ESPNL: variants seen among roughly 807,000 people sequenced by gnomAD.
The protein encoded by ESPNL is espin-like protein.
ESPNL carries 49 observed loss-of-function variants against 46.8 expected under a neutral mutation model. The observed-to-expected ratio is 1.05, with a 90% CI of 0.83 to 1.33. The LOEUF (loss-of-function observed/expected upper bound fraction) is 1.33. Among genes scored for constraint, ESPNL ranks in the 40% most tolerant of loss-of-function variants. The pLI is 0.00. For synonymous variants in ESPNL, 664 were observed against 662.1 expected, an observed-to-expected ratio of 1.00 and a Z score of -0.04; for missense variants, 1,540 against 1,436.6, an observed-to-expected ratio of 1.07 and a Z score of -1.16.
At chr2:238,129,056 A>G in intron 8 of ESPNL, 152 bp downstream of exon 8, 1 of 1,431,726 alleles carries the variant, frequency 7.0e-7, no homozygotes, top group Non-Finnish European at 9.1e-7. Flanking sequence ...CCGCCGGAGG[A>G]TGAAGTGAAC....
chr2:238,132,763 G>A lies in ESPNL; in HGVS notation c.*1031G>A, dbSNP rs1333873727. 6.6e-6 allele frequency: 1 copy of A among 152,420 alleles called. No individual in the cohort carries two copies. Among genetic ancestry groups the A allele is most frequent in the Non-Finnish European group, 1.5e-5 (1 of 68,190 alleles). 9.4% of individuals were successfully genotyped at this position (152,420 alleles called of 1,614,324 possible). A position where few individuals can be genotyped will look rare whatever the true frequency, so the allele number is the denominator to read the frequency against. Reference sequence around the variant, plus strand: ...CCCCAGCTTCTGATGGCAGCCAGGAGAATGGGTCATCACCCAGGCTCTGGG... The same window carrying A: ...CCCCAGCTTCTGATGGCAGCCAGGAAAATGGGTCATCACCCAGGCTCTGGG... On this transcript the variant is annotated 3_prime_UTR_variant, in exon 9 of 9. Transcript: ENST00000343063.
chr2:238,105,829 A>G (rs1454286849), intron 3 of ESPNL, among the ~76,000 whole-genome samples: 2 of 152,124 alleles, frequency 1.3e-5, no homozygotes, highest in Non-Finnish European at 2.9e-5. Context: ...TGGAGAAGTG[A>G]GAGCTGCCTG....
At chr2:238,127,344 C>T in intron 6 of ESPNL, 1 of 1,255,496 alleles carries the variant, frequency 8.0e-7, no homozygotes, top group Non-Finnish European at 1.0e-6. Flanking sequence ...GCCTCAAGCC[C>T]TTCCCAGCTC....
chr2:238,127,558 G>A, intron 6 of ESPNL, 64 bp from the exon 7 acceptor site: 1 of 1,501,936 alleles, frequency 6.7e-7, no homozygotes, highest in Non-Finnish European at 8.9e-7. Context: ...CCGGATCCCC[G>A]AGGCTCTGGG....
chr2:238,116,289 T>C (rs1414779446), intron 4 of ESPNL, among the ~76,000 whole-genome samples: 3 of 152,030 alleles, frequency 2.0e-5, no homozygotes, highest in Non-Finnish European at 4.4e-5. Flanking sequence ...TTCCTCCCCA[T>C]TCCCATCACA....
chr2:238,128,152 C>A (rs938683224), intron 7 of ESPNL, among the ~76,000 whole-genome samples: 6 of 152,254 alleles, frequency 3.9e-5, no homozygotes, highest in African/African-American at 1.2e-4. Flanking sequence ...CTCCCCCTTA[C>A]TCTCCCTTTC....
chr2:238,131,869 C>G lies in ESPNL; in HGVS notation c.*137C>G. 1.1e-6 allele frequency: 1 copy of G among 919,696 alleles called. No homozygotes were observed. Among genetic ancestry groups the G allele is most frequent in the Non-Finnish European group, 1.7e-6 (1 of 604,414 alleles). The allele number at this position is 919,696 out of a possible 1,614,324, so 57.0% of individuals were successfully genotyped here. A position where few individuals can be genotyped will look rare whatever the true frequency, so the allele number is the denominator to read the frequency against. On this transcript the variant is annotated 3_prime_UTR_variant, in exon 9 of 9. Transcript: ENST00000343063. ...CAGTCCTACCAGTTATCGGAGGCTG[C>G]GGGACTGTTCTGTTGTGGCATGGTT...
rs1440907955 is a variant in ESPNL at position 238,119,462 on chromosome 2, A to G, written c.987+2428A>G. Among the ~76,000 whole-genome samples, 39 of 79,846 alleles carry G rather than the reference A, an allele frequency of 4.9e-4. 11 individuals carry two copies. Among genetic ancestry groups the G allele is most frequent in the East Asian group, 3.2e-3 (6 of 1,904 alleles). 52.4% of individuals were successfully genotyped at this position (79,846 alleles called of 152,430 possible). ...GAGGTGGAGGAGAGGAGGTTAGATG[A>G]AGGAGGAATGGATGGAGGAGGTGGA... On this transcript the variant is annotated intron_variant, in intron 5 of 8. Transcript: ENST00000343063.
chr2:238,100,675 C>G lies in ESPNL; in HGVS notation c.256C>G (p.Leu86Val), dbSNP rs1346329406. 1.4e-6 allele frequency: 2 copies of G among 1,435,978 alleles called. No individual in the cohort carries two copies. Among genetic ancestry groups the G allele is most frequent in the Non-Finnish European group, 9.1e-7 (1 of 1,103,260 alleles). The allele number at this position is 1,435,978 out of a possible 1,614,324, so 89.0% of individuals were successfully genotyped here. A position where few individuals can be genotyped will look rare whatever the true frequency, so the allele number is the denominator to read the frequency against. ...DAAATGSLAE[L>V]CWLVREGGCG... ...CGCTGCCACGGGCAGCCTGGCCGAG[C>G]TGTGCTGGCTGGTCCGCGAGGGGGG... is the stretch of plus-strand genomic sequence containing the variant. The change falls in exon 1 of 9, where the codon CTG becomes GTG. Residue 86 changes from leucine to valine, a missense_variant. Physicochemically the swap from Leu to Val is conservative, Grantham distance 32. Coordinates refer to ENST00000343063, the MANE Select transcript of ESPNL (RefSeq NM_194312.4).
intron 7 of ESPNL, among the ~76,000 whole-genome samples, chr2:238,128,357 T>G (rs1692189568): frequency 1.3e-5 from 2 of 152,328 alleles, no homozygotes; most frequent in East Asian, 1.9e-4. Flanking sequence ...TGCCAGGCTT[T>G]GTCTATGTAG....
chr2:238,127,829 C>T (rs1692175928), intron 7 of ESPNL, 95 bp downstream of exon 7: 5 of 935,916 alleles, frequency 5.3e-6, no homozygotes, highest in Non-Finnish European at 8.1e-6. Context: ...CCAGCACAGC[C>T]AGGCCTTTCC....
In ESPNL at chr2:238,114,213, G is replaced by T. The variant is rs1387477136; in HGVS notation, c.856-2690G>T. Among the ~76,000 whole-genome samples the T allele has an allele frequency of 6.6e-6, 1 of 152,058 alleles. No individual in the cohort carries two copies. The highest frequency in any genetic ancestry group is 1.5e-5 in the Non-Finnish European group (1 of 68,012). ...AGCGGTGATGGGGTCCGTCACTCTG[G>T]GGGAGAGGTTCCCTTCCTCCTCCCC... On this transcript the variant is annotated intron_variant, in intron 4 of 8. Transcript: ENST00000343063. This position sits in a 1 kb window ranked among gnomAD's most constrained non-coding sequence, Gnocchi z 5.0.
At chr2:238,127,358 C>T (rs1255418845) in intron 6 of ESPNL, 1 of 1,272,124 alleles carries the variant, frequency 7.9e-7, no homozygotes, top group Non-Finnish European at 9.9e-7. Flanking sequence ...CCAGCTCCTC[C>T]CCTGCTGCAG....
intron 2 of ESPNL, among the ~76,000 whole-genome samples, chr2:238,104,287 C>T (rs976510278): frequency 6.6e-6 from 1 of 152,222 alleles, no homozygotes; most frequent in Admixed American, 6.5e-5. Context: ...AGCTACCAGG[C>T]ACCCAGCGCC....
intron 7 of ESPNL, 36 bp downstream of exon 7, chr2:238,127,770 G>C: frequency 6.5e-7 from 1 of 1,541,142 alleles, no homozygotes. Flanking sequence ...GTCTCCCGGG[G>C]CCCCTAGCCA....
chr2:238,118,441 AAGAGGTGGAT>A (rs1691876553), intron 5 of ESPNL, among the ~76,000 whole-genome samples: 1 of 90,656 alleles, frequency 1.1e-5, no homozygotes, highest in African/African-American at 6.0e-5. Flanking sequence ...GAATGGATGG[AAGAGGTGGAT>A]GGAGGAGAGT....
intron 5 of ESPNL, among the ~76,000 whole-genome samples, chr2:238,124,873 G>GTGCA (rs1692070473): frequency 6.6e-6 from 1 of 152,148 alleles, no homozygotes; most frequent in Non-Finnish European, 1.5e-5. Flanking sequence ...ATGCGTGTGT[G>GTGCA]TGCATATGTG....
chr2:238,125,406 G>A (rs750272305), intron 6 of ESPNL, 22 bp downstream of exon 6: 1 of 1,382,576 alleles, frequency 7.2e-7, no homozygotes, highest in South Asian at 1.5e-5. Context: ...GCCCCAAGTG[G>A]GCCACCCAGG....
intron 7 of ESPNL, 85 bp downstream of exon 7, chr2:238,127,819 C>T: frequency 9.7e-7 from 1 of 1,029,262 alleles, no homozygotes; most frequent in East Asian, 2.7e-5. Context: ...AGAGAAGCCC[C>T]CAGCACAGCC....
Sources: allele counts gnomAD v4.1 joint callset (sites outside exome capture counted in the v4.1 genomes callset), GRCh38; gene constraint gnomAD v4.1.1; non-coding constraint Gnocchi (gnomAD v3.1); transcripts MANE v1.5; gene names NCBI Gene and HGNC (gene_info 2026-07-23, HGNC 2026-07-21).